Variants in AGO4 observed in about 807,000 individuals in gnomAD.
AGO4 encodes the protein protein argonaute-4.
Under a neutral mutation model 104.7 loss-of-function variants are expected in AGO4, and 33 were observed. The ratio of observed to expected loss-of-function variants is 0.32; its 90% CI spans 0.24 to 0.42. The LOEUF (loss-of-function observed/expected upper bound fraction) is 0.42. Ranked by LOEUF, AGO4 falls within the 10% of genes least tolerant of loss-of-function variation. AGO4 has a pLI of 1.00. For missense variants in AGO4, 711 were observed against 1,083.4 expected (o/e 0.66, Z 4.83); for synonymous variants, 331 against 364.7 (o/e 0.91, Z 1.05).
chr1:35,808,170 T>TGGCGGCGGCGGC lies in AGO4; in HGVS notation c.-232_-221dup, dbSNP rs544199267. ...CGCTGGCTCCCGCTCCCGCTCCCGT[T>TGGCGGCGGCGGC]GGCGGCGGCGGCGGCGGCGGCGGCG... is the stretch of plus-strand genomic sequence containing the variant. On this transcript the variant is annotated 5_prime_UTR_variant, in exon 1 of 18. Coordinates refer to ENST00000373210, the MANE Select transcript of AGO4 (RefSeq NM_017629.4). This position sits in a 1 kb window ranked among gnomAD's most constrained non-coding sequence, Gnocchi z 5.2. 1.1e-4 allele frequency: 17 copies of TGGCGGCGGCGGC among 158,026 alleles called. No individual in the cohort carries two copies. The highest frequency in any genetic ancestry group is 3.0e-4 in the African/African-American group (12 of 40,286). 9.8% of individuals were successfully genotyped at this position (158,026 alleles called of 1,614,324 possible). A position where few individuals can be genotyped will look rare whatever the true frequency, so the allele number is the denominator to read the frequency against.
intron 2 of AGO4, among the ~76,000 whole-genome samples, chr1:35,820,440 C>G (rs1175998713): frequency 7.2e-5 from 11 of 152,076 alleles, no homozygotes; most frequent in Admixed American, 5.9e-4. Context: ...TCACTGAAAC[C>G]TCCACTTCTG....
chr1:35,816,027 C>CA (rs991616338), intron 1 of AGO4, among the ~76,000 whole-genome samples: 11 of 152,242 alleles, frequency 7.2e-5, no homozygotes, highest in African/African-American at 2.6e-4. Flanking sequence ...TCAGATTGTC[C>CA]AGGTTCTAAA....
chr1:35,821,901 T>A (rs1643894116), intron 2 of AGO4, among the ~76,000 whole-genome samples: 1 of 152,106 alleles, frequency 6.6e-6, no homozygotes, highest in South Asian at 2.1e-4. Flanking sequence ...GGATTTTTTT[T>A]TTTTTTGACA....
At chr1:35,824,557 G>T (rs1643965232) in intron 3 of AGO4, among the ~76,000 whole-genome samples, 3 of 150,984 alleles carry the variant, frequency 2.0e-5, no homozygotes, top group Admixed American at 2.0e-4. Flanking sequence ...CCAGTGCTGT[G>T]GGAGATCGAG....
Position 35,816,920 on chromosome 1 carries a change from G to A in AGO4, c.58G>A (p.Gly20Ser). 6.2e-7 allele frequency: 1 copy of A among 1,613,280 alleles called. No homozygotes were observed. Among genetic ancestry groups the A allele is most frequent in the Non-Finnish European group, 8.5e-7 (1 of 1,179,718 alleles). The change falls in exon 2 of 18, where the codon GGC becomes AGC. Residue 20 changes from glycine to serine, a missense_variant. Gly to Ser is a moderately conservative substitution (Grantham distance 56). Coordinates refer to ENST00000373210, the MANE Select transcript of AGO4 (RefSeq NM_017629.4). ...ASLFQPPRRP[G>S]LGTVGKPIRL... ...CCTGTTTCAGCCACCTCGTCGTCCT[G>A]GCCTTGGAACTGTTGGAAAACCAAT...
At chr1:35,818,210 A>G (rs1488975100) in intron 2 of AGO4, among the ~76,000 whole-genome samples, 1 of 152,216 alleles carries the variant, frequency 6.6e-6, no homozygotes, top group Non-Finnish European at 1.5e-5. Context: ...ACGTATGTAT[A>G]TGTATATACG....
chr1:35,811,601 T>C (rs1643508687), intron 1 of AGO4, among the ~76,000 whole-genome samples: 1 of 151,960 alleles, frequency 6.6e-6, no homozygotes, highest in Non-Finnish European at 1.5e-5. Flanking sequence ...TGTTAAACGT[T>C]TTTTGTTGTT....
chr1:35,849,349 G>A (rs1216479515), intron 15 of AGO4, among the ~76,000 whole-genome samples: 1 of 151,998 alleles, frequency 6.6e-6, no homozygotes, highest in Non-Finnish European at 1.5e-5. Flanking sequence ...CTTTCTTCCT[G>A]ATAACCATTT....
chr1:35,837,263 T>C (rs900067808), intron 13 of AGO4, among the ~76,000 whole-genome samples: 1 of 152,060 alleles, frequency 6.6e-6, no homozygotes, highest in African/African-American at 2.4e-5. Flanking sequence ...TTTGTATTTT[T>C]AGTAGAGACA....
chr1:35,848,050 C>T (rs894211629), intron 15 of AGO4, among the ~76,000 whole-genome samples: 20 of 151,940 alleles, frequency 1.3e-4, no homozygotes, highest in Non-Finnish European at 2.1e-4. Context: ...TTCTGTCATA[C>T]CAAAAAATCT....
intron 17 of AGO4, 53 bp from the exon 18 acceptor site, chr1:35,853,444 G>T (rs1644753407): frequency 3.3e-5 from 50 of 1,528,882 alleles, no homozygotes; most frequent in East Asian, 6.9e-5. Context: ...GTTGTTTTTG[G>T]TTTTTTGTTT....
intron 15 of AGO4, among the ~76,000 whole-genome samples, chr1:35,844,975 A>G (rs1644532650): frequency 6.6e-6 from 1 of 152,314 alleles, no homozygotes; most frequent in Non-Finnish European, 1.5e-5. Context: ...TGTTGTCTCA[A>G]TGACTTGCTC....
intron 15 of AGO4, among the ~76,000 whole-genome samples, chr1:35,845,468 A>G (rs775152712): frequency 2.6e-5 from 4 of 151,970 alleles, no homozygotes; most frequent in Admixed American, 2.6e-4. Context: ...CGGCCTCCCA[A>G]AGTGCTGGGA....
intron 12 of AGO4, 89 bp downstream of exon 12, chr1:35,834,263 C>T (rs1343862831): frequency 4.3e-6 from 5 of 1,171,662 alleles, no homozygotes; most frequent in South Asian, 2.8e-5. Flanking sequence ...CAGTCACAAA[C>T]CTCAAACTCT....
At chr1:35,844,489 A>G (rs1460697648) in intron 15 of AGO4, among the ~76,000 whole-genome samples, 1 of 152,006 alleles carries the variant, frequency 6.6e-6, no homozygotes, top group African/African-American at 2.4e-5. Flanking sequence ...CCCCTACCCT[A>G]TTCATAATAA....
intron 15 of AGO4, among the ~76,000 whole-genome samples, chr1:35,843,497 C>G (rs1644498079): frequency 6.6e-6 from 1 of 152,156 alleles, no homozygotes; most frequent in African/African-American, 2.4e-5. Context: ...CTTTAAATTG[C>G]TGAAACCATG....
rs1310166677 is a variant in AGO4, at chr1:35,832,616, T to C, written c.1379+46T>C. 6 of 1,599,862 alleles carry C rather than the reference T, an allele frequency of 3.8e-6. No individual in the cohort carries two copies. The African/African-American group carries it at 5.4e-5, about 14-fold the overall frequency. On this transcript the variant is annotated intron_variant, in intron 11 of 17. Transcript: ENST00000373210. Reference sequence around the variant, plus strand: ...AGCTTAGTAATATCCCTTCCAGATATGAAAATACTGTCTTTATGTGAATGT... The same window carrying C: ...AGCTTAGTAATATCCCTTCCAGATACGAAAATACTGTCTTTATGTGAATGT...
intron 2 of AGO4, among the ~76,000 whole-genome samples, 174 bp from the exon 3 acceptor site, chr1:35,822,688 T>C (rs949811293): frequency 6.6e-6 from 1 of 152,234 alleles, no homozygotes; most frequent in African/African-American, 2.4e-5. Flanking sequence ...TGTACACTTG[T>C]TGCTACCTTT....
chr1:35,814,004 G>C (rs1172909986), intron 1 of AGO4, among the ~76,000 whole-genome samples: 1 of 151,582 alleles, frequency 6.6e-6, no homozygotes, highest in Non-Finnish European at 1.5e-5. Flanking sequence ...GAACCCGGGA[G>C]GCGGAGGTTG....
Sources: allele counts gnomAD v4.1 joint callset (sites outside exome capture counted in the v4.1 genomes callset), GRCh38; gene constraint gnomAD v4.1.1; non-coding constraint Gnocchi (gnomAD v3.1); transcripts MANE v1.5; gene names NCBI Gene and HGNC (gene_info 2026-07-23, HGNC 2026-07-21).